The following GPC6 variants were observed in gnomAD, a reference collection of about 807,000 sequenced individuals.
GPC6 encodes glypican 6.
Under a neutral mutation model 55.2 loss-of-function variants are expected in GPC6, and 14 were observed. The ratio of observed to expected loss-of-function variants is 0.25; its 90% CI spans 0.17 to 0.40. The LOEUF (loss-of-function observed/expected upper bound fraction) is 0.40. Ranked by LOEUF, GPC6 falls within the 10% of genes least tolerant of loss-of-function variation. The probability of loss-of-function intolerance (pLI) is 1.00; values close to 1 mark genes in which losing one functional copy is unlikely to be tolerated. For missense variants in GPC6, 641 were observed against 708.5 expected (o/e 0.90, Z 1.08); for synonymous variants, 278 against 259.6 (o/e 1.07, Z -0.68).
chr13:93,468,058 T>C (rs1323234342), intron 1 of GPC6, among the ~76,000 whole-genome samples: 1 of 152,180 alleles, frequency 6.6e-6, no homozygotes, highest in African/African-American at 2.4e-5. Flanking sequence ...TCTTCAATCA[T>C]TTGTCTTGAT....
At position 94,073,155 on chromosome 13, in the gene GPC6, A is replaced by C. The variant is rs183375074; in HGVS notation, c.877+45261A>C. Among the ~76,000 whole-genome samples, 32 of 152,296 alleles carry C rather than the reference A, an allele frequency of 2.1e-4. No homozygotes were observed. In the East Asian group the frequency reaches 4.1e-3, roughly 19 times the overall value. On this transcript the variant is annotated intron_variant, in intron 4 of 8. Transcript: ENST00000377047. Reference sequence around the variant, plus strand: ...ACATCTGCATTGAATGGCCAAAAATAAGAGTGCCAGCCCTGCACTAAAAGA... The same window carrying C: ...ACATCTGCATTGAATGGCCAAAAATCAGAGTGCCAGCCCTGCACTAAAAGA...
At chr13:94,140,366 G>A (rs897890306) in intron 4 of GPC6, among the ~76,000 whole-genome samples, 2 of 152,158 alleles carry the variant, frequency 1.3e-5, no homozygotes, top group South Asian at 2.1e-4. Context: ...TTTGACACTG[G>A]GGGCCTGGAT....
intron 1 of GPC6, among the ~76,000 whole-genome samples, chr13:93,360,307 G>A (rs1881000209): frequency 6.6e-6 from 1 of 152,170 alleles, no homozygotes; most frequent in South Asian, 2.1e-4. Context: ...TGCAGTGAAA[G>A]TGGATGACAA....
intron 2 of GPC6, among the ~76,000 whole-genome samples, chr13:93,677,435 T>C (rs765043290): frequency 6.6e-6 from 1 of 152,208 alleles, no homozygotes; most frequent in Non-Finnish European, 1.5e-5. Flanking sequence ...GTGTTAATGA[T>C]TAAAGGAAGT....
chr13:93,663,689 G>A (rs1193147860), intron 2 of GPC6, among the ~76,000 whole-genome samples: 1 of 152,158 alleles, frequency 6.6e-6, no homozygotes, highest in East Asian at 1.9e-4. Context: ...GTCAGGAAAC[G>A]TAATCTAGAC....
rs548159118 is a variant in GPC6, at chr13:93,479,738, G to C, written c.161-65525G>C. ...TGTACTGTGATCTACATTACCTTTA[G>C]GATCACTTGCCGTCAGCAATGTTGT... On this transcript the variant is annotated intron_variant, in intron 1 of 8. Transcript: ENST00000377047. Among the ~76,000 whole-genome samples, 3 of 152,280 alleles carry C rather than the reference G, an allele frequency of 2.0e-5. No homozygotes were observed. The South Asian group carries it at 6.2e-4, about 32-fold the overall frequency.
At chr13:93,421,148 T>C (rs1422439255) in intron 1 of GPC6, among the ~76,000 whole-genome samples, 1 of 152,022 alleles carries the variant, frequency 6.6e-6, no homozygotes, top group Non-Finnish European at 1.5e-5. Flanking sequence ...CCTCATTAGC[T>C]GGGTGAAGTG....
chr13:93,524,442 C>G lies in GPC6; in HGVS notation c.161-20821C>G, dbSNP rs9561384. Among the ~76,000 whole-genome samples the G allele has an allele frequency of 8.4e-4, 127 of 152,052 alleles. 1 individual carries two copies. In the East Asian group the frequency reaches 0.019, roughly 23 times the overall value. ...TTGAGGGTCAAATGAGGGGAGCTTG[C>G]AGACTGAATTTATTTCATTTGACTG... is the stretch of plus-strand genomic sequence containing the variant. On this transcript the variant is annotated intron_variant, in intron 1 of 8. Transcript: ENST00000377047.
intron 3 of GPC6, among the ~76,000 whole-genome samples, chr13:93,990,314 G>C (rs926073954): frequency 6.6e-6 from 1 of 151,558 alleles, no homozygotes; most frequent in Non-Finnish European, 1.5e-5. Flanking sequence ...AGTGAAATTT[G>C]ATATTTACAC....
intron 1 of GPC6, among the ~76,000 whole-genome samples, chr13:93,409,612 T>G (rs1876422336): frequency 1.3e-5 from 2 of 152,192 alleles, no homozygotes; most frequent in African/African-American, 4.8e-5. Flanking sequence ...CCTTGTGGCC[T>G]GGAACCTTTT....
At chr13:93,935,502 G>C (rs908551132) in intron 3 of GPC6, among the ~76,000 whole-genome samples, 2 of 152,094 alleles carry the variant, frequency 1.3e-5, no homozygotes, top group East Asian at 1.9e-4. Context: ...AATCAATCAT[G>C]ATGGTCACTT....
At chr13:93,797,066 T>A (rs532670961) in intron 2 of GPC6, among the ~76,000 whole-genome samples, 13 of 152,238 alleles carry the variant, frequency 8.5e-5, no homozygotes, top group Admixed American at 6.5e-4. Flanking sequence ...AAAAGTAGCC[T>A]AACACTAGAA....
intron 4 of GPC6, among the ~76,000 whole-genome samples, chr13:94,082,203 T>C (rs1278306749): frequency 6.6e-6 from 1 of 152,088 alleles, no homozygotes; most frequent in African/African-American, 2.4e-5. Flanking sequence ...TGCATATCCT[T>C]ACTCTCCTAC....
intron 1 of GPC6, among the ~76,000 whole-genome samples, chr13:93,288,748 G>A (rs1392588439): frequency 6.6e-6 from 1 of 152,192 alleles, no homozygotes; most frequent in Non-Finnish European, 1.5e-5. Context: ...GATGATGTCT[G>A]GATAACCAAT....
intron 2 of GPC6, among the ~76,000 whole-genome samples, chr13:93,706,437 G>A (rs1882851806): frequency 6.6e-6 from 1 of 151,826 alleles, no homozygotes; most frequent in African/African-American, 2.4e-5. Flanking sequence ...TTCAGGAATA[G>A]TAATTATCTG....
At chr13:94,150,076 C>T (rs988546507) in intron 4 of GPC6, among the ~76,000 whole-genome samples, 1 of 152,052 alleles carries the variant, frequency 6.6e-6, no homozygotes, top group East Asian at 1.9e-4. Context: ...TCCTCCCAAC[C>T]AAGCCCTTCT....
intron 2 of GPC6, among the ~76,000 whole-genome samples, chr13:93,696,530 C>T (rs1882457795): frequency 6.6e-6 from 1 of 151,570 alleles, no homozygotes; most frequent in African/African-American, 2.4e-5. Context: ...TTCTTCCCTC[C>T]CCCTTTTTTT....
chr13:94,343,363 G>C (rs978717147), intron 6 of GPC6, among the ~76,000 whole-genome samples: 12 of 152,096 alleles, frequency 7.9e-5, no homozygotes, highest in Admixed American at 5.9e-4. Flanking sequence ...CTTTGCCTCC[G>C]CACAAAAGCA....
In GPC6 at chr13:93,830,464, G is replaced by T; in HGVS notation, c.630G>T (p.Gln210His). The T allele has an allele frequency of 6.2e-7, 1 of 1,613,946 alleles. No individual in the cohort carries two copies. The highest frequency in any genetic ancestry group is 8.5e-7 in the Non-Finnish European group (1 of 1,179,922). ...FGDVPRKLKIQVTRAFIAART... is the reference protein window; with the variant it reads ...FGDVPRKLKIHVTRAFIAART... ...ACGTGCCCCGGAAACTGAAGATTCA[G>T]GTTACCCGCGCCTTCATTGCTGCCA... Residue 210 changes from glutamine to histidine, a missense_variant, in exon 3 of 9, where the codon CAG (glutamine) becomes CAT (histidine). Transcript: ENST00000377047.
Sources: allele counts gnomAD v4.1 joint callset (sites outside exome capture counted in the v4.1 genomes callset), GRCh38; gene constraint gnomAD v4.1.1; transcripts MANE v1.5; gene names NCBI Gene and HGNC (gene_info 2026-07-23, HGNC 2026-07-21).